Variants in PRKCH observed in about 807,000 individuals in gnomAD.
The protein encoded by PRKCH is protein kinase C eta.
In PRKCH, 28 loss-of-function variants were observed where a neutral mutation model predicts 82.5. That is an observed-to-expected ratio of 0.34 (90% CI 0.25 to 0.47). The LOEUF is 0.47. Among genes scored for constraint, PRKCH ranks in the 20% least tolerant of loss-of-function variants. The pLI is 1.00. For synonymous variants in PRKCH, 322 were observed against 327.4 expected, an observed-to-expected ratio of 0.98 and a Z score of 0.18; for missense variants, 705 against 881.8, an observed-to-expected ratio of 0.80 and a Z score of 2.54.
Position 61,457,568 on chromosome 14 carries a change from C to T in PRKCH, c.1167C>T (p.Asp389=), listed in dbSNP as rs370097946. The change falls in exon 9 of 14, where the codon GAC becomes GAT. Residue 389 remains aspartate (D), a synonymous_variant. Transcript: ENST00000332981. ...DLYAVKVLKK[D]VILQDDDVEC... is the part of the protein sequence containing the mutation. ...ATGCTGTGAAGGTGCTGAAGAAGGA[C>T]GTGATTCTGCAGGATGATGATGTGG... 2.4e-5 allele frequency: 38 copies of T among 1,613,974 alleles called. No homozygotes were observed. Among genetic ancestry groups the T allele is most frequent in the Admixed American group, 3.3e-5 (2 of 59,976 alleles).
intron 1 of PRKCH, chr14:61,327,054 T>C (rs2045707089): frequency 6.6e-6 from 3 of 455,946 alleles, no homozygotes; most frequent in Admixed American, 4.7e-5. Context: ...TGGAAAGACC[T>C]TGGCGCCCCC....
chr14:61,213,648 C>T (rs527797173), intron 1 of PRKCH, among the ~76,000 whole-genome samples: 1 of 152,244 alleles, frequency 6.6e-6, no homozygotes, highest in South Asian at 2.1e-4. Context: ...AACTAGTGGG[C>T]AAAAATATCT....
intron 2 of PRKCH, among the ~76,000 whole-genome samples, chr14:61,408,980 A>C (rs1385516026): frequency 6.6e-6 from 1 of 152,218 alleles, no homozygotes; most frequent in Non-Finnish European, 1.5e-5. Flanking sequence ...GGGATTCACT[A>C]ACTCTGGGGA....
intron 1 of PRKCH, among the ~76,000 whole-genome samples, chr14:61,270,426 A>G (rs1368413009): frequency 6.6e-6 from 1 of 152,190 alleles, no homozygotes; most frequent in East Asian, 1.9e-4. Context: ...TCCCTCATAC[A>G]GTGTCTATAC....
intron 1 of PRKCH, among the ~76,000 whole-genome samples, chr14:61,224,713 T>G (rs2044683254): frequency 6.6e-6 from 1 of 152,240 alleles, no homozygotes; most frequent in African/African-American, 2.4e-5. Flanking sequence ...TTATCCTTGT[T>G]GTGAACCTTA....
intron 9 of PRKCH, among the ~76,000 whole-genome samples, chr14:61,469,795 GTGTAGAGAGT>G (rs1885416800): frequency 1.3e-5 from 2 of 152,152 alleles, no homozygotes; most frequent in African/African-American, 4.8e-5. Context: ...CAGACTCGTC[GTGTAGAGAGT>G]TGTGCACTGG....
At chr14:61,542,303 AAAAC>A (rs762233952) in intron 12 of PRKCH, among the ~76,000 whole-genome samples, 2 of 150,990 alleles carry the variant, frequency 1.3e-5, no homozygotes, top group Admixed American at 6.6e-5. Flanking sequence ...AAAAAAAAAC[AAAAC>A]AAACAAAAAA....
intron 1 of PRKCH, among the ~76,000 whole-genome samples, chr14:61,257,479 A>G (rs1470697960): frequency 6.6e-6 from 1 of 152,098 alleles, no homozygotes; most frequent in African/African-American, 2.4e-5. Flanking sequence ...CTCTTCTTTG[A>G]AGCAGCATAC....
At chr14:61,194,221 G>C (rs1482031480) in intron 1 of PRKCH, among the ~76,000 whole-genome samples, 1 of 152,062 alleles carries the variant, frequency 6.6e-6, no homozygotes, top group Non-Finnish European at 1.5e-5. Flanking sequence ...CTATAAATTA[G>C]TACCATTAAT....
intron 1 of PRKCH, among the ~76,000 whole-genome samples, chr14:61,254,964 A>G (rs571296039): frequency 4.0e-4 from 61 of 152,280 alleles, no homozygotes; most frequent in African/African-American, 1.4e-3. Context: ...GCGGTGATGC[A>G]GATCCGTGAA....
chr14:61,290,745 A>G (rs922691535), intron 1 of PRKCH, among the ~76,000 whole-genome samples: 1 of 152,214 alleles, frequency 6.6e-6, no homozygotes, highest in Non-Finnish European at 1.5e-5. Flanking sequence ...CCCAAAGTTC[A>G]GTAGTTAAGG....
At chr14:61,441,412 C>G (rs1056359722) in intron 2 of PRKCH, among the ~76,000 whole-genome samples, 2 of 152,096 alleles carry the variant, frequency 1.3e-5, no homozygotes, top group African/African-American at 4.8e-5. Context: ...GATGGGGATG[C>G]CTGTTTCACC....
At chr14:61,258,893 A>T (rs1466869507) in intron 1 of PRKCH, among the ~76,000 whole-genome samples, 1 of 152,208 alleles carries the variant, frequency 6.6e-6, no homozygotes, top group African/African-American at 2.4e-5. Flanking sequence ...CTAATTTTTT[A>T]ACATATTGGA....
intron 9 of PRKCH, among the ~76,000 whole-genome samples, chr14:61,462,325 G>A (rs752061301): frequency 2.0e-5 from 3 of 152,208 alleles, no homozygotes; most frequent in Non-Finnish European, 4.4e-5. Context: ...GGGAGGCAGA[G>A]GTTGCAGTGA....
intron 1 of PRKCH, among the ~76,000 whole-genome samples, chr14:61,212,788 CA>C (rs1173497612): frequency 6.6e-6 from 1 of 152,186 alleles, no homozygotes; most frequent in African/African-American, 2.4e-5. Flanking sequence ...TTGGTGGGAA[CA>C]GGCTTTTAAA....
At chr14:61,301,422 T>G (rs1324615683) in intron 1 of PRKCH, among the ~76,000 whole-genome samples, 1 of 152,260 alleles carries the variant, frequency 6.6e-6, no homozygotes, top group Non-Finnish European at 1.5e-5. Context: ...CTAAGATATC[T>G]CAGGGGACTT....
At position 61,231,273 on chromosome 14, in the gene PRKCH, T is replaced by C. The variant is rs576621341; in HGVS notation, c.-19+43605T>C. On this transcript the variant is annotated intron_variant, in intron 1 of 3. Coordinates refer to the PRKCH transcript ENST00000555185. ...AAACAATTCAATACACACAGGGTTATTGCAAGGACTAAACAATTCAATACA... is the reference window on the plus strand; with the variant it reads ...AAACAATTCAATACACACAGGGTTACTGCAAGGACTAAACAATTCAATACA... 1.7e-4 allele frequency among the ~76,000 whole-genome samples: 26 copies of C among 152,246 alleles called. No homozygotes were observed. In the East Asian group the frequency reaches 1.9e-3, roughly 11 times the overall value.
chr14:61,277,109 C>A (rs932957288), intron 1 of PRKCH, among the ~76,000 whole-genome samples: 10 of 152,028 alleles, frequency 6.6e-5, no homozygotes, highest in African/African-American at 1.7e-4. Context: ...TCTCTTGAAC[C>A]CAGGAAGCGG....
At chr14:61,320,258 C>T (rs12878845), upstream of PRKCH, among the ~76,000 whole-genome samples, 78,874 of 152,102 alleles carry the variant, frequency 0.52, 24,507 homozygotes, top group Non-Finnish European at 0.67. Flanking sequence ...GAATCTGCTC[C>T]GAGGGAACCA....
Sources: gnomAD v4.1 joint callset for allele counts (sites outside exome capture counted in the v4.1 genomes callset) on GRCh38, gnomAD v4.1.1 for gene constraint, MANE v1.5 for transcripts, NCBI Gene and HGNC (gene_info 2026-07-23, HGNC 2026-07-21) for gene names.